The following TONSL variants were observed in gnomAD, a reference collection of about 807,000 sequenced individuals.
TONSL encodes tonsoku like, DNA repair protein.
TONSL carries 112 observed loss-of-function variants against 147.1 expected under a neutral mutation model. That is an observed-to-expected ratio of 0.76 (90% CI 0.65 to 0.89). The LOEUF is 0.89. TONSL is among the 40% of genes least tolerant of loss of function. The probability of loss-of-function intolerance (pLI) is 0.00; values close to 1 mark genes in which losing one functional copy is unlikely to be tolerated. For synonymous variants in TONSL, 868 were observed against 801.5 expected, an observed-to-expected ratio of 1.08 and a Z score of -1.40; for missense variants, 1,883 against 1,864.6, an observed-to-expected ratio of 1.01 and a Z score of -0.18.
chr8:144,435,644 G>C lies in TONSL; in HGVS notation c.2775+14C>G. ...GAGTGGGGAGAGGGCTCTGCTCCAG[G>C]TCTGCATACCCACCAAGGGCTGGCC... On this transcript the variant is annotated intron_variant, in intron 17 of 25. Coordinates refer to ENST00000409379, the MANE Select transcript of TONSL (RefSeq NM_013432.5). 1 of 1,593,500 alleles carries C rather than the reference G, an allele frequency of 6.3e-7. No individual in the cohort carries two copies. Among genetic ancestry groups the C allele is most frequent in the Admixed American group, 1.7e-5 (1 of 59,358 alleles).
intron 22 of TONSL, chr8:144,433,331 C>T: frequency 7.8e-6 from 3 of 386,594 alleles, no homozygotes; most frequent in East Asian, 5.3e-5. Context: ...CCGCCTTGGC[C>T]TCCCAAAGTG....
chr8:144,436,468 C>T, intron 16 of TONSL, 50 bp from the exon 17 acceptor site: 1 of 1,550,760 alleles, frequency 6.4e-7, no homozygotes, highest in Non-Finnish European at 8.7e-7. Flanking sequence ...ACCTCCCGCT[C>T]CACCTGTGAT....
intron 5 of TONSL, 92 bp downstream of exon 5, chr8:144,442,585 C>A: frequency 1.3e-6 from 2 of 1,533,164 alleles, no homozygotes; most frequent in Non-Finnish European, 8.8e-7. Flanking sequence ...CCAGACTGCT[C>A]TCTCAGGAGG....
chr8:144,444,280 G>A lies in TONSL; in HGVS notation c.26-5C>T, dbSNP rs1016695036. 2.9e-5 allele frequency: 41 copies of A among 1,418,016 alleles called. No homozygotes were observed. The highest frequency in any genetic ancestry group is 3.6e-5 in the Non-Finnish European group (39 of 1,083,668). 87.8% of individuals were successfully genotyped at this position (1,418,016 alleles called of 1,614,324 possible). ...TGGCTTTCGCCTTGCTCAGCTCTGT[G>A]GGAGGAAGAGGAGGGCTGGGCCTCC... On this transcript the variant is annotated splice_polypyrimidine_tract_variant and splice_region_variant and intron_variant, in intron 1 of 25. Transcript: ENST00000409379.
At position 144,440,782 on chromosome 8, in the gene TONSL, T is replaced by G; in HGVS notation, c.1100A>C (p.Asp367Ala). Residue 367 changes from aspartate (D) to alanine (A), a missense_variant, in exon 9 of 26, where the codon GAC (aspartate) becomes GCC (alanine). Asp to Ala is a moderately radical substitution (Grantham distance 126). Transcript: ENST00000409379. ...ATAGTGGCGCACGGCCCCATGGTGG[T>G]CCTTCATGTCTCCCAGTGTGGTGGC... Reference protein sequence around the residue: ...SLATTLGDMKDHHGAVRHYEE... With the variant: ...SLATTLGDMKAHHGAVRHYEE... 6.2e-7 allele frequency: 1 copy of G among 1,612,876 alleles called. No homozygotes were observed. Among genetic ancestry groups the G allele is most frequent in the Non-Finnish European group, 8.5e-7 (1 of 1,179,966 alleles).
At chr8:144,443,478 T>C in intron 3 of TONSL, 157 bp from the exon 4 acceptor site, 1 of 696,322 alleles carries the variant, frequency 1.4e-6, no homozygotes. Context: ...CTCCTCTGCA[T>C]GCCAAGGGCT....
chr8:144,436,326 A>AG lies in TONSL; in HGVS notation c.2106dup (p.Ser703LeufsTer2), dbSNP rs34149392. Reference sequence around the variant, plus strand: ...GCCTCTGGGAGTCTAGTGCTATTAGAGGGGGGTTCTGGGCAGGGGCTCAAA... The same window carrying AG: ...GCCTCTGGGAGTCTAGTGCTATTAGAGGGGGGGTTCTGGGCAGGGGCTCAAA... On this transcript the variant is annotated frameshift_variant, in exon 17 of 26. Coordinates refer to ENST00000409379, the MANE Select transcript of TONSL (RefSeq NM_013432.5). LOFTEE classifies it high-confidence loss of function. 1.3e-6 allele frequency: 2 copies of AG among 1,500,546 alleles called. No individual in the cohort carries two copies. The highest frequency in any genetic ancestry group is 2.3e-5 in the East Asian group (1 of 43,888). The allele number at this position is 1,500,546 out of a possible 1,614,324, so 93.0% of individuals were successfully genotyped here.
Position 144,435,546 on chromosome 8 carries a change from G to A in TONSL, c.2780C>T (p.Pro927Leu), listed in dbSNP as rs774827204. 2.5e-5 allele frequency: 39 copies of A among 1,553,268 alleles called. No individual in the cohort carries two copies. Among genetic ancestry groups the A allele is most frequent in the South Asian group, 4.7e-5 (4 of 84,618 alleles). The change falls in exon 18 of 26, where the codon CCG becomes CTG. Residue 927 changes from proline (P) to leucine (L), a missense_variant. Pro to Leu is a moderately conservative substitution (Grantham distance 98). Coordinates refer to ENST00000409379, the MANE Select transcript of TONSL (RefSeq NM_013432.5). The stretch of plus-strand genomic sequence containing the variant: ...AACCCGGATGGGAGGGGGCGGGGCC[G>A]GACCCTGGCAGGTGAAGGCAGCAGG... ...DSSAAGQPLG[P>L]APPPPIRVRV...
Position 144,431,169 on chromosome 8 carries a change from CCCAA to C in TONSL, c.3736-22_3736-19del. 6.2e-7 allele frequency: 1 copy of C among 1,613,502 alleles called. No homozygotes were observed. The highest frequency in any genetic ancestry group is 8.5e-7 in the Non-Finnish European group (1 of 1,179,668). ...CAGCCTTCCTGGACATGAGCAGAGG[CCCAA>C]GGGGGCCAAACGGAGTGGCGCACCT... On this transcript the variant is annotated intron_variant, in intron 23 of 25. Transcript: ENST00000409379.
At position 144,429,136 on chromosome 8, in the gene TONSL, G is replaced by A. The variant is rs1056534680; in HGVS notation, c.*7C>T. ...TTCGGTGAGGGTGGGGAAAGGCAGC[G>A]CCAGGGTCAGAGGCGCCGAAAGAAG... On this transcript the variant is annotated 3_prime_UTR_variant, in exon 26 of 26. Transcript: ENST00000409379. The A allele has an allele frequency of 6.6e-7, 1 of 1,517,774 alleles. No individual in the cohort carries two copies. The highest frequency in any genetic ancestry group is 8.8e-7 in the Non-Finnish European group (1 of 1,138,114). 94.0% of individuals were successfully genotyped at this position (1,517,774 alleles called of 1,614,324 possible).
At chr8:144,437,150 C>G in intron 13 of TONSL, 51 bp from the exon 14 acceptor site, 1 of 1,575,218 alleles carries the variant, frequency 6.3e-7, no homozygotes, top group Non-Finnish European at 8.7e-7. Flanking sequence ...CACAGCCTGG[C>G]CCCAGCCCCG....
In TONSL at chr8:144,435,994, G is replaced by T; in HGVS notation, c.2439C>A (p.Gly813=). The part of the protein sequence containing the change: ...QSRLGPGPPR[G]HSKALAPQAA... ...CCTGGGGGGCAAGGGCTTTGCTGTGGCCCCGCGGTGGGCCAGGCCCCAGCC... is the reference window on the plus strand; with the variant it reads ...CCTGGGGGGCAAGGGCTTTGCTGTGTCCCCGCGGTGGGCCAGGCCCCAGCC... Residue 813 remains glycine, a synonymous_variant, in exon 17 of 26, where the codon GGC becomes GGA. Transcript: ENST00000409379. 1 of 1,550,990 alleles carries T rather than the reference G, an allele frequency of 6.4e-7. No homozygotes were observed.
At chr8:144,430,639 GCCAGAC>G in intron 24 of TONSL, 102 bp from the exon 25 acceptor site, 1 of 1,402,364 alleles carries the variant, frequency 7.1e-7, no homozygotes, top group Non-Finnish European at 9.6e-7. Flanking sequence ...GGAGCCTCGG[GCCAGAC>G]CCAGGGGCTC....
At chr8:144,434,377 G>A in intron 20 of TONSL, 98 bp from the exon 21 acceptor site, 22 of 1,079,656 alleles carry the variant, frequency 2.0e-5, no homozygotes, top group Non-Finnish European at 2.8e-5. Flanking sequence ...ACAGCCCCAG[G>A]GGTCACCCAC....
rs1240964062 is a variant in TONSL at position 144,435,042 on chromosome 8, G to A, written c.2981C>T (p.Pro994Leu). The A allele has an allele frequency of 1.2e-6, 2 of 1,612,434 alleles. No homozygotes were observed. The highest frequency in any genetic ancestry group is 1.7e-6 in the Non-Finnish European group (2 of 1,179,682). The change falls in exon 19 of 26, where the codon CCT (proline) becomes CTT (leucine). Residue 994 changes from proline to leucine, a missense_variant. Transcript: ENST00000409379. ...GALLAPQDLI[P>L]DVLQSNDEVL... ...CTCGTCATTGCTCTGCAGCACATCA[G>A]GGATGAGGTCCTGTGGGGCCAGCAG...
At position 144,436,635 on chromosome 8, in the gene TONSL, C is replaced by T. The variant is rs771375609; in HGVS notation, c.1937G>A (p.Arg646His). Residue 646 changes from arginine (R) to histidine (H), a missense_variant, in exon 16 of 26, where the codon CGC (arginine) becomes CAC (histidine). Arg to His is a conservative substitution (Grantham distance 29, BLOSUM62 0). Transcript: ENST00000409379. ...ETLQQWVKLY[R>H]RDLDLETRQK... Reference sequence around the variant, plus strand: ...CCGCGTCTCCAGGTCCAGGTCCCTGCGGTACAGCTTCACCCACTGCTGCAG... The same window carrying T: ...CCGCGTCTCCAGGTCCAGGTCCCTGTGGTACAGCTTCACCCACTGCTGCAG... 1.8e-5 allele frequency: 29 copies of T among 1,612,160 alleles called. No homozygotes were observed. Among genetic ancestry groups the T allele is most frequent in the East Asian group, 2.2e-5 (1 of 44,882 alleles).
At chr8:144,441,686 C>G (rs766299599) in intron 7 of TONSL, 10 of 283,986 alleles carry the variant, frequency 3.5e-5, no homozygotes, top group Non-Finnish European at 6.8e-5. Flanking sequence ...ATCAGCACTC[C>G]TGGACCACGC....
chr8:144,430,405 T>C lies in TONSL; in HGVS notation c.3942A>G (p.Ser1314=). 6.2e-7 allele frequency: 1 copy of C among 1,604,526 alleles called. No homozygotes were observed. Residue 1314 remains serine, a splice_region_variant and synonymous_variant, in exon 25 of 26, where the codon TCA becomes TCG. Coordinates refer to ENST00000409379, the MANE Select transcript of TONSL (RefSeq NM_013432.5). ...CGTGGCCACCATACCAGCACTCACC[T>C]GACAGGCCAAGGAAGCTAAGGCCTT... ...RPQGLSFLGL[S]GCAVQGPLGL...
rs1823262990 is a variant in TONSL, at chr8:144,432,745, G to A, written c.3560-285C>T. 3.1e-5 allele frequency: 10 copies of A among 317,742 alleles called. No homozygotes were observed. In the East Asian group the frequency reaches 4.6e-4, roughly 15 times the overall value. 19.7% of individuals were successfully genotyped at this position (317,742 alleles called of 1,614,324 possible). A position where few individuals can be genotyped will look rare whatever the true frequency, so the allele number is the denominator to read the frequency against. Reference sequence around the variant, plus strand: ...ATGCCTCTGCACAGTGGGGGTGCCAGGGGAGTGCACTGACCATTGCTGCCC... The same window carrying A: ...ATGCCTCTGCACAGTGGGGGTGCCAAGGGAGTGCACTGACCATTGCTGCCC... On this transcript the variant is annotated intron_variant, in intron 22 of 25. Coordinates refer to ENST00000409379, the MANE Select transcript of TONSL (RefSeq NM_013432.5).
Sources: gnomAD v4.1 joint callset for allele counts on GRCh38, gnomAD v4.1.1 for gene constraint, MANE v1.5 for transcripts, NCBI Gene and HGNC (gene_info 2026-07-23, HGNC 2026-07-21) for gene names.